The following DPP10 variants were observed in gnomAD, a reference collection of about 807,000 sequenced individuals.
DPP10 encodes inactive dipeptidyl peptidase 10.
Under a neutral mutation model 120.9 loss-of-function variants are expected in DPP10, and 33 were observed. The observed-to-expected ratio is 0.27, with a 90% CI of 0.21 to 0.37. DPP10 has a LOEUF of 0.37. Ranked by LOEUF, DPP10 falls within the 10% of genes least tolerant of loss-of-function variation. DPP10 has a pLI of 1.00. For missense variants in DPP10, 816 were observed against 942.8 expected, an observed-to-expected ratio of 0.87 and a Z score of 1.76; for synonymous variants, 337 against 326.1, an observed-to-expected ratio of 1.03 and a Z score of -0.36.
chr2:115,697,148 C>T (rs2091636960), intron 7 of DPP10, among the ~76,000 whole-genome samples: 1 of 151,694 alleles, frequency 6.6e-6, no homozygotes. Flanking sequence ...TCAAATAAGA[C>T]AGTAATGTGG....
chr2:114,877,965 G>T (rs1574399578), intron 1 of DPP10, among the ~76,000 whole-genome samples: 1 of 152,026 alleles, frequency 6.6e-6, no homozygotes, highest in African/African-American at 2.4e-5. Flanking sequence ...AATAGTCAAA[G>T]ATCTGGAGAA....
At chr2:114,830,481 G>T (rs972042419) in intron 1 of DPP10, among the ~76,000 whole-genome samples, 5 of 152,006 alleles carry the variant, frequency 3.3e-5, no homozygotes, top group Non-Finnish European at 2.9e-5. Context: ...CTCACTTATT[G>T]TAAAAACGTG....
chr2:114,935,683 A>AGTGT (rs3981178), intron 1 of DPP10, among the ~76,000 whole-genome samples: 5 of 151,466 alleles, frequency 3.3e-5, no homozygotes, highest in Admixed American at 1.3e-4. Flanking sequence ...TATTTGCTCA[A>AGTGT]GTGTGTGTGT....
At chr2:115,379,960 G>A (rs1344273557) in intron 3 of DPP10, among the ~76,000 whole-genome samples, 1 of 152,140 alleles carries the variant, frequency 6.6e-6, no homozygotes, top group African/African-American at 2.4e-5. Flanking sequence ...GCTGTGGAGA[G>A]CTTTACTTCC....
chr2:114,646,541 A>G (rs891419580), intron 1 of DPP10, among the ~76,000 whole-genome samples: 4 of 152,264 alleles, frequency 2.6e-5, no homozygotes, highest in African/African-American at 7.2e-5. Flanking sequence ...CCCCAAATTA[A>G]TTAATCTGAT....
chr2:114,800,942 A>G (rs1038654395), intron 1 of DPP10, among the ~76,000 whole-genome samples: 4 of 152,036 alleles, frequency 2.6e-5, no homozygotes, highest in African/African-American at 9.7e-5. Flanking sequence ...GGGAATTAAA[A>G]AAAAAAAAAT....
intron 1 of DPP10, among the ~76,000 whole-genome samples, chr2:114,574,108 A>T (rs917138141): frequency 6.6e-6 from 1 of 152,154 alleles, no homozygotes; most frequent in African/African-American, 2.4e-5. Flanking sequence ...AAAATGAAAG[A>T]CTCAGGACAT....
chr2:115,607,971 T>G (rs1265021985), intron 5 of DPP10, among the ~76,000 whole-genome samples: 1 of 152,148 alleles, frequency 6.6e-6, no homozygotes, highest in Non-Finnish European at 1.5e-5. Context: ...TAGTCCAAAA[T>G]GGAGTAGACT....
intron 10 of DPP10, among the ~76,000 whole-genome samples, chr2:115,750,799 TAATA>T (rs1222992303): frequency 1.3e-5 from 2 of 152,200 alleles, no homozygotes; most frequent in Non-Finnish European, 2.9e-5. Context: ...GCATCTTAGC[TAATA>T]AATATATTCT....
At chr2:115,006,502 A>C (rs1158361824) in intron 1 of DPP10, among the ~76,000 whole-genome samples, 6 of 151,162 alleles carry the variant, frequency 4.0e-5, no homozygotes, top group Admixed American at 2.6e-4. Flanking sequence ...ACATAGGCTC[A>C]AAATAAAAGG....
At chr2:115,089,887 A>G (rs1202698707) in intron 1 of DPP10, among the ~76,000 whole-genome samples, 1 of 152,184 alleles carries the variant, frequency 6.6e-6, no homozygotes, top group Non-Finnish European at 1.5e-5. Flanking sequence ...TTTATCTCTT[A>G]AACTAGGAAA....
intron 1 of DPP10, among the ~76,000 whole-genome samples, chr2:114,639,635 C>T (rs538875935): frequency 2.6e-5 from 4 of 151,568 alleles, no homozygotes; most frequent in Non-Finnish European, 5.9e-5. Context: ...CACATGTACC[C>T]CTTTATCTAA....
intron 1 of DPP10, among the ~76,000 whole-genome samples, chr2:115,082,734 C>A (rs1708376275): frequency 6.6e-6 from 1 of 152,208 alleles, no homozygotes; most frequent in South Asian, 2.1e-4. Context: ...CAGCTAACTA[C>A]AGATGCATGA....
intron 1 of DPP10, among the ~76,000 whole-genome samples, chr2:115,286,340 G>T (rs1020079371): frequency 6.6e-6 from 1 of 150,414 alleles, no homozygotes; most frequent in Non-Finnish European, 1.5e-5. Flanking sequence ...TGTAAATGAA[G>T]ATTTAAAAGC....
intron 1 of DPP10, among the ~76,000 whole-genome samples, chr2:115,042,724 C>T (rs991149249): frequency 1.4e-4 from 22 of 152,276 alleles, no homozygotes; most frequent in African/African-American, 5.1e-4. Flanking sequence ...ATAGAACTAG[C>T]GTTCTCCTCA....
intron 1 of DPP10, among the ~76,000 whole-genome samples, chr2:115,286,204 G>A (rs1386501869): frequency 2.6e-5 from 4 of 151,442 alleles, no homozygotes; most frequent in African/African-American, 7.3e-5. Context: ...AGTTTACACA[G>A]CAATGGTTTT....
chr2:114,554,870 C>T (rs1005646711), intron 1 of DPP10, among the ~76,000 whole-genome samples: 1 of 152,166 alleles, frequency 6.6e-6, no homozygotes, highest in South Asian at 2.1e-4. Flanking sequence ...CCACCCTCAA[C>T]TCAAAGCATT....
intron 5 of DPP10, among the ~76,000 whole-genome samples, chr2:115,644,788 A>G (rs1480334487): frequency 6.6e-6 from 1 of 152,142 alleles, no homozygotes; most frequent in African/African-American, 2.4e-5. Context: ...GTCTCTAAAA[A>G]TAAAAATTTA....
intron 1 of DPP10, among the ~76,000 whole-genome samples, chr2:114,480,628 G>A (rs1216461777): frequency 6.8e-6 from 1 of 146,416 alleles, no homozygotes; most frequent in East Asian, 2.0e-4. Context: ...AACACCACAT[G>A]TTCTCACTCA....
Sources: gnomAD v4.1 joint callset for allele counts (sites outside exome capture counted in the v4.1 genomes callset) on GRCh38, gnomAD v4.1.1 for gene constraint, MANE v1.5 for transcripts, NCBI Gene and HGNC (gene_info 2026-07-23, HGNC 2026-07-21) for gene names.